AFAP1L2: variants seen among roughly 807,000 people sequenced by gnomAD.
AFAP1L2 encodes actin filament associated protein 1 like 2.
A neutral mutation model predicts 99.3 loss-of-function variants in AFAP1L2; 46 were observed. The observed-to-expected ratio is 0.46, with a 90% CI of 0.37 to 0.59. AFAP1L2 has a LOEUF of 0.59. Among genes scored for constraint, AFAP1L2 ranks in the 20% least tolerant of loss-of-function variants. AFAP1L2 has a pLI of 0.00. For synonymous variants in AFAP1L2, 397 were observed against 419.1 expected, an observed-to-expected ratio of 0.95 and a Z score of 0.64; for missense variants, 959 against 1,034.9, an observed-to-expected ratio of 0.93 and a Z score of 1.01.
Position 114,295,360 on chromosome 10 carries a change from A to AAGAC in AFAP1L2, c.*678_*681dup, listed in dbSNP as rs1373849022. 9.1e-6 allele frequency: 9 copies of AAGAC among 985,528 alleles called. No individual in the cohort carries two copies. The highest frequency in any genetic ancestry group is 8.4e-6 in the Non-Finnish European group (7 of 829,738). 61.0% of individuals were successfully genotyped at this position (985,528 alleles called of 1,614,324 possible). A position where few individuals can be genotyped will look rare whatever the true frequency, so the allele number is the denominator to read the frequency against. On this transcript the variant is annotated 3_prime_UTR_variant, in exon 19 of 19. Transcript: ENST00000304129. The stretch of plus-strand genomic sequence containing the variant: ...ACAGCATCACTTAAAATTTTATTTA[A>AAGAC]AGACAGTTGATTCAGGCCTGCCTTG...
chr10:114,372,106 T>C (rs2054198170), intron 1 of AFAP1L2, among the ~76,000 whole-genome samples: 1 of 152,214 alleles, frequency 6.6e-6, no homozygotes. Flanking sequence ...TCTTGACTAA[T>C]CTGTTCCAAA....
rs2040334575 is a variant in AFAP1L2 at position 114,296,966 on chromosome 10, G to A, written c.2430+12C>T. 6.2e-7 allele frequency: 1 copy of A among 1,614,156 alleles called. No homozygotes were observed. The highest frequency in any genetic ancestry group is 8.5e-7 in the Non-Finnish European group (1 of 1,180,026). ...CTGCTGGCCCCAAGGGAGGCTGGGA[G>A]TGACTGCTTACCTTGGCTTTCTGGA... is the stretch of plus-strand genomic sequence containing the variant. On this transcript the variant is annotated intron_variant, in intron 18 of 18. Coordinates refer to ENST00000304129, the MANE Select transcript of AFAP1L2 (RefSeq NM_001001936.3).
Position 114,361,485 on chromosome 10 carries a change from G to A in AFAP1L2, c.17-20754C>T, listed in dbSNP as rs2052404284. ...TTTAACACAGACTCATACCCTGAAG[G>A]TACCCTGTAAAACGTTAAACCGAAA... On this transcript the variant is annotated intron_variant, in intron 1 of 18. Transcript: ENST00000304129. Among the ~76,000 whole-genome samples the A allele has an allele frequency of 3.3e-5, 5 of 152,190 alleles. No individual in the cohort carries two copies. In the South Asian group the frequency reaches 1.0e-3, roughly 32 times the overall value.
Position 114,314,069 on chromosome 10 carries a change from G to C in AFAP1L2, c.613-19C>G. On this transcript the variant is annotated intron_variant, in intron 6 of 18. Coordinates refer to ENST00000304129, the MANE Select transcript of AFAP1L2 (RefSeq NM_001001936.3). ...TGTAGCACTGGAAGGAAAGAGAGAA[G>C]ATACACCACTTTGCCAGGGGTGCCG... 1 of 1,599,850 alleles carries C rather than the reference G, an allele frequency of 6.3e-7. No homozygotes were observed. The highest frequency in any genetic ancestry group is 8.6e-7 in the Non-Finnish European group (1 of 1,168,746).
chr10:114,301,961 G>T, intron 12 of AFAP1L2: 1 of 265,332 alleles, frequency 3.8e-6, no homozygotes, highest in Non-Finnish European at 7.3e-6. Flanking sequence ...TTGCTCATCT[G>T]GAAACAGAAG....
At chr10:114,371,178 C>T (rs1231819708) in intron 1 of AFAP1L2, among the ~76,000 whole-genome samples, 2 of 152,226 alleles carry the variant, frequency 1.3e-5, no homozygotes, top group African/African-American at 4.8e-5. Context: ...CTCATCTCTC[C>T]TCATCAGCTG....
chr10:114,296,061 TC>T lies in AFAP1L2; in HGVS notation c.2437del (p.Glu813ArgfsTer46). ...TGTTTTCTAACTTGCTCCTTTCTTC[TC>T]CCATTCCTAGGGTACCATTCAAATA... The part of the protein sequence containing the change: ...GTVLQKAKEW[E>X]KKGAS On this transcript the variant is annotated frameshift_variant, in exon 19 of 19. Coordinates refer to ENST00000304129, the MANE Select transcript of AFAP1L2 (RefSeq NM_001001936.3). LOFTEE classifies it high-confidence loss of function. The T allele has an allele frequency of 6.2e-7, 1 of 1,614,162 alleles. No individual in the cohort carries two copies. Among genetic ancestry groups the T allele is most frequent in the Non-Finnish European group, 8.5e-7 (1 of 1,180,012 alleles).
At chr10:114,292,933 C>G (rs2039735677), downstream of AFAP1L2, among the ~76,000 whole-genome samples, 1 of 152,208 alleles carries the variant, frequency 6.6e-6, no homozygotes, top group African/African-American at 2.4e-5. Context: ...TCTCGAACTT[C>G]TGACCTCAGG....
chr10:114,380,983 C>T (rs2055537801), intron 1 of AFAP1L2, among the ~76,000 whole-genome samples: 1 of 152,202 alleles, frequency 6.6e-6, no homozygotes, highest in African/African-American at 2.4e-5. Context: ...CAATTTCGCT[C>T]TTAGGTGTGT....
At chr10:114,304,633 T>A in intron 11 of AFAP1L2, 86 bp downstream of exon 11, 1 of 1,245,856 alleles carries the variant, frequency 8.0e-7, no homozygotes, top group East Asian at 2.5e-5. Flanking sequence ...TCTCCCTTAG[T>A]AGCATTACAG....
Position 114,326,115 on chromosome 10 carries a change from T to C in AFAP1L2, c.316-2854A>G, listed in dbSNP as rs2046252155. The C allele has an allele frequency of 5.9e-6, 7 of 1,181,754 alleles. No individual in the cohort carries two copies. In the South Asian group the frequency reaches 9.7e-5, roughly 16 times the overall value. The allele number at this position is 1,181,754 out of a possible 1,614,324, so 73.2% of individuals were successfully genotyped here. On this transcript the variant is annotated intron_variant, in intron 4 of 18. Coordinates refer to ENST00000304129, the MANE Select transcript of AFAP1L2 (RefSeq NM_001001936.3). ...CCCATGGGTCATCATCACCACAGGG[T>C]CTGTCCCTGGGGGCCTCCTGTCCTG...
At chr10:114,291,349 C>T (rs775931342), downstream of AFAP1L2, 240 of 1,283,816 alleles carry the variant, frequency 1.9e-4, no homozygotes, top group Non-Finnish European at 2.3e-4. Flanking sequence ...GCCCCAGGTC[C>T]TTAGAATGTC....
At chr10:114,310,726 A>C (rs2134485230) in intron 7 of AFAP1L2, among the ~76,000 whole-genome samples, 1 of 152,240 alleles carries the variant, frequency 6.6e-6, no homozygotes, top group East Asian at 1.9e-4. Context: ...GCAAAGGCCA[A>C]AGATGACCAG....
rs371366660 is a variant in AFAP1L2, at chr10:114,300,371, G to T, written c.1789-9C>A. On this transcript the variant is annotated splice_polypyrimidine_tract_variant and intron_variant, in intron 14 of 18. Transcript: ENST00000304129. ...TCCAAACTCTCCAGCTGCTTTGGGG[G>T]AAAGCAGACCTGACTCAGCTGGCTG... The T allele has an allele frequency of 1.7e-5, 27 of 1,614,052 alleles. No homozygotes were observed. The highest frequency in any genetic ancestry group is 3.3e-5 in the Admixed American group (2 of 60,008).
chr10:114,397,754 A>G (rs919494859), intron 1 of AFAP1L2, among the ~76,000 whole-genome samples: 5 of 152,182 alleles, frequency 3.3e-5, no homozygotes, highest in African/African-American at 1.2e-4. Flanking sequence ...GCTGTCTCTG[A>G]GCTAACAGCT....
chr10:114,286,406 G>T, the AFAP1L2 span: 1 of 1,613,934 alleles, frequency 6.2e-7, no homozygotes, highest in Non-Finnish European at 8.5e-7. Flanking sequence ...AGAGCTGGAG[G>T]AGATCACAGG....
At chr10:114,291,233 C>A, downstream of AFAP1L2, 1 of 1,550,398 alleles carries the variant, frequency 6.4e-7, no homozygotes, top group Middle Eastern at 1.7e-4. Context: ...TTGAGACGCC[C>A]CTGAGGCACA....
chr10:114,367,622 C>T (rs1292998821), intron 1 of AFAP1L2, among the ~76,000 whole-genome samples: 1 of 152,142 alleles, frequency 6.6e-6, no homozygotes, highest in African/African-American at 2.4e-5. Flanking sequence ...TAGAATGCAA[C>T]CCCCAGTAAA....
intron 5 of AFAP1L2, 107 bp from the exon 6 acceptor site, chr10:114,315,872 C>T (rs1464292704): frequency 9.1e-6 from 10 of 1,099,178 alleles, no homozygotes; most frequent in African/African-American, 1.6e-5. Context: ...CAGACCACAG[C>T]CCCCGACTCT....
Sources: allele counts gnomAD v4.1 joint callset (sites outside exome capture counted in the v4.1 genomes callset), GRCh38; gene constraint gnomAD v4.1.1; transcripts MANE v1.5; gene names NCBI Gene and HGNC (gene_info 2026-07-23, HGNC 2026-07-21).